The following SLA2 variants were observed in gnomAD, a reference collection of about 807,000 sequenced individuals.
SLA2 encodes the protein Src like adaptor 2, also known as src-like-adapter 2.
SLA2 carries 22 observed loss-of-function variants against 27.3 expected under a neutral mutation model. The observed-to-expected ratio is 0.81, with a 90% CI of 0.58 to 1.15. The LOEUF is 1.15. SLA2 is among the 50% of genes most tolerant of loss of function. The pLI, the probability that SLA2 is intolerant of heterozygous loss-of-function variation, is 0.00. For synonymous variants in SLA2, 131 were observed against 137.8 expected (o/e 0.95, Z 0.34); for missense variants, 304 against 322.2 (o/e 0.94, Z 0.43).
chr20:36,623,429 A>C (rs1432009544), intron 5 of SLA2, among the ~76,000 whole-genome samples: 1 of 152,164 alleles, frequency 6.6e-6, no homozygotes. Flanking sequence ...ATAAATTTAA[A>C]GTATATGGAT....
Position 36,612,717 on chromosome 20 carries a change from G to GAAAT in SLA2, c.*1145_*1148dup, listed in dbSNP as rs1031020773. 7 of 206,742 alleles carry GAAAT rather than the reference G, an allele frequency of 3.4e-5. No individual in the cohort carries two copies. Among genetic ancestry groups the GAAAT allele is most frequent in the African/African-American group, 1.6e-4 (7 of 43,430 alleles). 12.8% of individuals were successfully genotyped at this position (206,742 alleles called of 1,614,324 possible). A position where few individuals can be genotyped will look rare whatever the true frequency, so the allele number is the denominator to read the frequency against. On this transcript the variant is annotated 3_prime_UTR_variant, in exon 8 of 8. Coordinates refer to ENST00000262866, the MANE Select transcript of SLA2 (RefSeq NM_032214.4). ...TCTTTCTGTTTATGGAGGCAGCAGGGAAATCAAGGGCTGGATTTGGTGTAG... is the reference window on the plus strand; with the variant it reads ...TCTTTCTGTTTATGGAGGCAGCAGGGAAATAAATCAAGGGCTGGATTTGGTGTAG...
In SLA2 at chr20:36,642,949, C is replaced by T. The variant is rs148815671; in HGVS notation, c.-43-1571G>A. Among the ~76,000 whole-genome samples, 656 of 151,678 alleles carry T rather than the reference C, an allele frequency of 4.3e-3. 6 individuals are homozygous for T. The highest frequency in any genetic ancestry group is 0.015 in the African/African-American group (621 of 41,392). On this transcript the variant is annotated intron_variant, in intron 1 of 7. Transcript: ENST00000262866. ...GCTGTTCTTGAACTCCTGGGCTCCA[C>T]CAATCCTCCCACCTCAGCTTCCCAA...
intron 5 of SLA2, among the ~76,000 whole-genome samples, chr20:36,626,295 G>A (rs2039336404): frequency 6.6e-6 from 1 of 152,018 alleles, no homozygotes; most frequent in Non-Finnish European, 1.5e-5. Flanking sequence ...GGGAGGCTGA[G>A]GCAGGAGAAT....
intron 6 of SLA2, chr20:36,614,735 T>C (rs75095804): frequency 1.0e-6 from 1 of 985,228 alleles, no homozygotes; most frequent in Admixed American, 6.2e-5. Flanking sequence ...TCAGTCTACT[T>C]CTACTCACTG....
intron 1 of SLA2, among the ~76,000 whole-genome samples, chr20:36,645,523 AC>A (rs1978287356): frequency 6.6e-6 from 1 of 152,140 alleles, no homozygotes; most frequent in African/African-American, 2.4e-5. Flanking sequence ...TTGGAGTCTG[AC>A]TGCAGCGCAG....
chr20:36,614,755 A>T (rs2039187833), intron 6 of SLA2: 2 of 985,312 alleles, frequency 2.0e-6, no homozygotes, highest in African/African-American at 3.5e-5. Context: ...GTCTACTTCC[A>T]CACAGAGTGA....
At chr20:36,629,863 A>C (rs1300947884) in intron 5 of SLA2, among the ~76,000 whole-genome samples, 1 of 151,900 alleles carries the variant, frequency 6.6e-6, no homozygotes, top group Non-Finnish European at 1.5e-5. Context: ...ACTTGAACCC[A>C]GGAGGCAGAG....
chr20:36,640,478 T>G lies in SLA2; in HGVS notation c.91+767A>C, dbSNP rs78819613. Among the ~76,000 whole-genome samples the G allele has an allele frequency of 8.3e-3, 1,267 of 151,878 alleles. 22 individuals carry two copies. Among genetic ancestry groups the G allele is most frequent in the African/African-American group, 0.03 (1,227 of 41,372 alleles). On this transcript the variant is annotated intron_variant, in intron 2 of 7. Transcript: ENST00000262866. ...CTTACTACGTGTGCTATTGAGCACT[T>G]AAAATGTGGCTGGGGTGATGAAAGA...
At chr20:36,640,850 G>A (rs1228763752) in intron 2 of SLA2, among the ~76,000 whole-genome samples, 1 of 152,178 alleles carries the variant, frequency 6.6e-6, no homozygotes, top group Non-Finnish European at 1.5e-5. Context: ...GCAGTTACGT[G>A]TGGCTGGTGG....
rs1600814362 is a variant in SLA2, at chr20:36,615,245, G to A, written c.512C>T (p.Ala171Val). The change falls in exon 6 of 8, where the codon GCC becomes GTC. Residue 171 changes from alanine (A) to valine (V), a missense_variant. By Grantham distance (64) the Ala-to-Val change is moderately conservative. Transcript: ENST00000262866. ...CATACCAGAGTAATGGTCCACCAGG[G>A]CCTGGAGTGAGGGGAAGGTGAGGCG... is the stretch of plus-strand genomic sequence containing the variant. ...SPRLTFPSLQ[A>V]LVDHYSELAD... 1 of 1,614,158 alleles carries A rather than the reference G, an allele frequency of 6.2e-7. No homozygotes were observed. The highest frequency in any genetic ancestry group is 8.5e-7 in the Non-Finnish European group (1 of 1,180,036).
rs1426855924 is a variant in SLA2 at position 36,612,378 on chromosome 20, T to G, written c.*1488A>C. ...CTCTGGATTCAGATGAAACATTAAA[T>G]TGTCTTCCTCGATTCTCCATCGGGT... On this transcript the variant is annotated 3_prime_UTR_variant, in exon 8 of 8. Transcript: ENST00000262866. 4.2e-6 allele frequency: 3 copies of G among 710,314 alleles called. No individual in the cohort carries two copies. Among genetic ancestry groups the G allele is most frequent in the Non-Finnish European group, 7.2e-6 (3 of 415,814 alleles). 44.0% of individuals were successfully genotyped at this position (710,314 alleles called of 1,614,324 possible). A position where few individuals can be genotyped will look rare whatever the true frequency, so the allele number is the denominator to read the frequency against.
chr20:36,634,405 T>C (rs1346570977), intron 3 of SLA2, 85 bp downstream of exon 3: 2 of 1,065,130 alleles, frequency 1.9e-6, no homozygotes, highest in East Asian at 2.6e-5. Flanking sequence ...CACCTAAGCC[T>C]CCCAGACAGC....
intron 5 of SLA2, among the ~76,000 whole-genome samples, chr20:36,616,853 C>T (rs911289719): frequency 6.6e-6 from 1 of 151,516 alleles, no homozygotes; most frequent in East Asian, 2.0e-4. Flanking sequence ...AGTTCGAGAC[C>T]ACCCTGGCCA....
At chr20:36,639,635 C>T (rs542155615) in intron 2 of SLA2, among the ~76,000 whole-genome samples, 55 of 150,492 alleles carry the variant, frequency 3.7e-4, no homozygotes, top group African/African-American at 1.3e-3. Context: ...GGGTGGATCA[C>T]GAGGTCAGGA....
rs145656453 is a variant in SLA2, at chr20:36,634,550, G to A, written c.131C>T (p.Pro44Leu). 2.0e-3 allele frequency: 3,193 copies of A among 1,611,548 alleles called. 17 individuals are homozygous for A. The highest frequency in any genetic ancestry group is 0.018 in the Middle Eastern group (106 of 6,054). Residue 44 changes from proline (P) to leucine (L), a missense_variant, in exon 3 of 8, where the codon CCG (proline) becomes CTG (leucine). By Grantham distance (98) the Pro-to-Leu change is moderately conservative (BLOSUM62 -3). Coordinates refer to ENST00000262866, the MANE Select transcript of SLA2 (RefSeq NM_032214.4). ...KATAVALGSF[P>L]AGGPAELSLR... ...CGACAGCTCGGCCGGGCCACCTGCC[G>A]GGAAACTGCCCAGGGCCACGGCTGT...
In SLA2 at chr20:36,641,343, C is replaced by T. The variant is rs2039504695; in HGVS notation, c.-8G>A. ...GCTGGGCAGACTTCCCATTGTTCCT[C>T]AGCAGAGCACTCAGAAGCACATCAT... On this transcript the variant is annotated 5_prime_UTR_variant, in exon 2 of 8. Transcript: ENST00000262866. 6.2e-7 allele frequency: 1 copy of T among 1,612,238 alleles called. No individual in the cohort carries two copies. Among genetic ancestry groups the T allele is most frequent in the Non-Finnish European group, 8.5e-7 (1 of 1,178,480 alleles).
At position 36,636,982 on chromosome 20, in the gene SLA2, A is replaced by C. The variant is rs146144392; in HGVS notation, c.92-2393T>G. Among the ~76,000 whole-genome samples the C allele has an allele frequency of 3.9e-4, 59 of 150,654 alleles. No homozygotes were observed. The East Asian group carries it at 0.011, about 29-fold the overall frequency. On this transcript the variant is annotated intron_variant, in intron 2 of 7. Transcript: ENST00000262866. ...CCCCCAAAAAAAGAAAATGTGCTTTAATCTGTTTTACTGTAGTGGTGACAG... is the reference window on the plus strand; with the variant it reads ...CCCCCAAAAAAAGAAAATGTGCTTTCATCTGTTTTACTGTAGTGGTGACAG...
rs539064960 is a variant in SLA2 at position 36,614,164 on chromosome 20, A to G, written c.665+141T>C. On this transcript the variant is annotated intron_variant, in intron 7 of 7. Transcript: ENST00000262866. The stretch of plus-strand genomic sequence containing the variant: ...ACCTGTCGAGCCTGGGCCGTGCTCC[A>G]GGAGTTGAGTCAGTGCACTCTGGCT... 3.3e-6 allele frequency: 5 copies of G among 1,493,630 alleles called. No homozygotes were observed. In the South Asian group the frequency reaches 6.0e-5, roughly 18 times the overall value. The allele number at this position is 1,493,630 out of a possible 1,614,324, so 92.5% of individuals were successfully genotyped here.
At chr20:36,632,569 C>A (rs760453400) in intron 5 of SLA2, 26 bp downstream of exon 5, 1 of 1,580,374 alleles carries the variant, frequency 6.3e-7, no homozygotes, top group South Asian at 1.1e-5. Flanking sequence ...GTAGGGAGGG[C>A]CTGGGCTGGC....
Sources: allele counts gnomAD v4.1 joint callset (sites outside exome capture counted in the v4.1 genomes callset), GRCh38; gene constraint gnomAD v4.1.1; transcripts MANE v1.5; gene names NCBI Gene and HGNC (gene_info 2026-07-23, HGNC 2026-07-21).